Variants in PLCE1 observed in about 807,000 individuals in gnomAD.
The protein encoded by PLCE1 is 1-phosphatidylinositol 4,5-bisphosphate phosphodiesterase epsilon-1.
PLCE1 carries 119 observed loss-of-function variants against 242.8 expected under a neutral mutation model. The observed-to-expected ratio is 0.49, with a 90% CI of 0.42 to 0.57. The LOEUF is 0.57. PLCE1 is among the 20% of genes least tolerant of loss of function. PLCE1 has a pLI of 0.00. For synonymous variants in PLCE1, 945 were observed against 1,017.4 expected (o/e 0.93, Z 1.35); for missense variants, 2,441 against 2,788.8 (o/e 0.88, Z 2.81).
At position 94,195,948 on chromosome 10, in the gene PLCE1, T is replaced by C. The variant is rs541977880; in HGVS notation, c.1809+24452T>C. Among the ~76,000 whole-genome samples, 3 of 152,310 alleles carry C rather than the reference T, an allele frequency of 2.0e-5. No individual in the cohort carries two copies. The East Asian group carries it at 5.8e-4, about 29-fold the overall frequency. ...AGATAAAGAATTAGGCCAGATGATATCTAATGCTTCTTAGAATTTAGACTC... is the reference window on the plus strand; with the variant it reads ...AGATAAAGAATTAGGCCAGATGATACCTAATGCTTCTTAGAATTTAGACTC... On this transcript the variant is annotated intron_variant, in intron 4 of 32. Transcript: ENST00000371380.
At position 94,006,677 on chromosome 10, in the gene PLCE1, G is replaced by A. The variant is rs1467307829; in HGVS notation, c.-365+12419G>A. On this transcript the variant is annotated intron_variant, in intron 1 of 32. Coordinates refer to ENST00000371380, the MANE Select transcript of PLCE1 (RefSeq NM_016341.4). ...AGGTTTCCTTGGAAACAGATCTGCG[G>A]TCAGAACCTTGTTCTTGGCTAAGCT... Among the ~76,000 whole-genome samples, 5 of 152,184 alleles carry A rather than the reference G, an allele frequency of 3.3e-5. No individual in the cohort carries two copies. In the East Asian group the frequency reaches 7.7e-4, roughly 23 times the overall value.
At chr10:94,148,169 G>A (rs541223058) in intron 3 of PLCE1, among the ~76,000 whole-genome samples, 50 of 152,244 alleles carry the variant, frequency 3.3e-4, no homozygotes, top group African/African-American at 1.2e-3. Flanking sequence ...GGGTTAAAAA[G>A]TAAATTAATG....
intron 3 of PLCE1, among the ~76,000 whole-genome samples, chr10:94,155,991 T>A (rs2047421496): frequency 2.0e-5 from 3 of 151,996 alleles, no homozygotes; most frequent in Admixed American, 6.6e-5. Context: ...TATCTCAGTT[T>A]AAAAAAAGAA....
intron 4 of PLCE1, among the ~76,000 whole-genome samples, chr10:94,172,484 G>C (rs765285211): frequency 1.3e-5 from 2 of 152,122 alleles, no homozygotes; most frequent in Non-Finnish European, 2.9e-5. Flanking sequence ...TTCCTATTCT[G>C]AGTCATATAT....
At chr10:94,085,483 G>A (rs931047203) in intron 2 of PLCE1, among the ~76,000 whole-genome samples, 1 of 152,174 alleles carries the variant, frequency 6.6e-6, no homozygotes, top group Non-Finnish European at 1.5e-5. Context: ...AATGTGTTTG[G>A]GGGTAGAGCT....
chr10:94,047,502 T>C (rs1044769692), intron 2 of PLCE1, among the ~76,000 whole-genome samples: 5 of 152,232 alleles, frequency 3.3e-5, no homozygotes, highest in Non-Finnish European at 5.9e-5. Context: ...TGACTTCACA[T>C]AAAATTTAAA....
intron 24 of PLCE1, among the ~76,000 whole-genome samples, chr10:94,301,366 T>G (rs7914997): frequency 6.6e-6 from 1 of 150,986 alleles, no homozygotes; most frequent in African/African-American, 2.4e-5. Flanking sequence ...AAAAAGAAAA[T>G]TATATATATA....
intron 1 of PLCE1, among the ~76,000 whole-genome samples, chr10:94,023,272 A>G (rs986651009): frequency 2.6e-5 from 4 of 152,128 alleles, no homozygotes; most frequent in Non-Finnish European, 4.4e-5. Flanking sequence ...TGACTGCATA[A>G]CTCTTCTTTG....
At chr10:94,143,618 A>C (rs2047034447) in intron 3 of PLCE1, among the ~76,000 whole-genome samples, 1 of 152,184 alleles carries the variant, frequency 6.6e-6, no homozygotes, top group African/African-American at 2.4e-5. Context: ...CATAATTTAA[A>C]CTTCTACTGG....
intron 2 of PLCE1, among the ~76,000 whole-genome samples, chr10:94,110,188 G>A (rs372148339): frequency 1.1e-4 from 16 of 142,724 alleles, no homozygotes; most frequent in African/African-American, 3.4e-4. Flanking sequence ...TCAGCCTCCC[G>A]ACTAGCTGGG....
At position 94,183,790 on chromosome 10, in the gene PLCE1, C is replaced by T. The variant is rs116681111; in HGVS notation, c.1809+12294C>T. On this transcript the variant is annotated intron_variant, in intron 4 of 32. Transcript: ENST00000371380. Reference sequence around the variant, plus strand: ...GCGGGAGGTGAAACAGGAGGAGGCACGTCATGGGGCAAGAATGAGAGCAAG... The same window carrying T: ...GCGGGAGGTGAAACAGGAGGAGGCATGTCATGGGGCAAGAATGAGAGCAAG... Among the ~76,000 whole-genome samples, 317 of 152,142 alleles carry T rather than the reference C, an allele frequency of 2.1e-3. 3 individuals carry two copies. The highest frequency in any genetic ancestry group is 6.5e-3 in the African/African-American group (269 of 41,490).
chr10:94,214,800 C>A (rs2049461874), intron 4 of PLCE1, among the ~76,000 whole-genome samples: 1 of 152,156 alleles, frequency 6.6e-6, no homozygotes, highest in African/African-American at 2.4e-5. Flanking sequence ...GCCCGAGGAC[C>A]AAGAGTGAAT....
intron 3 of PLCE1, among the ~76,000 whole-genome samples, chr10:94,150,236 G>A (rs1018725624): frequency 1.3e-5 from 2 of 152,156 alleles, no homozygotes; most frequent in Non-Finnish European, 2.9e-5. Context: ...AACCTGGCAA[G>A]GTAGAATTAT....
intron 1 of PLCE1, among the ~76,000 whole-genome samples, chr10:94,005,366 T>C (rs561755223): frequency 6.6e-6 from 1 of 152,358 alleles, no homozygotes; most frequent in African/African-American, 2.4e-5. Context: ...TATTGATTTA[T>C]GGCTTTGTTA....
rs2133744553 is a variant in PLCE1, at chr10:94,313,506, T to C, written c.6132+124T>C. On this transcript the variant is annotated intron_variant, in intron 28 of 32. Transcript: ENST00000371380. ...ATGAATGCGCAAAAGTCCATGTGGA[T>C]GATATGCCTTTTGATTATTTGGAAA... is the stretch of plus-strand genomic sequence containing the variant. 7 of 1,061,092 alleles carry C rather than the reference T, an allele frequency of 6.6e-6. No individual in the cohort carries two copies. The South Asian group carries it at 7.6e-5, about 11-fold the overall frequency. The allele number at this position is 1,061,092 out of a possible 1,614,324, so 65.7% of individuals were successfully genotyped here. A position where few individuals can be genotyped will look rare whatever the true frequency, so the allele number is the denominator to read the frequency against.
At chr10:94,132,684 C>T (rs931983926) in intron 3 of PLCE1, among the ~76,000 whole-genome samples, 2 of 151,538 alleles carry the variant, frequency 1.3e-5, no homozygotes, top group South Asian at 2.1e-4. Flanking sequence ...GGTGCGGTGG[C>T]TCACACCTGT....
At chr10:94,050,697 A>T (rs2043739650) in intron 2 of PLCE1, among the ~76,000 whole-genome samples, 1 of 152,134 alleles carries the variant, frequency 6.6e-6, no homozygotes, top group Non-Finnish European at 1.5e-5. Flanking sequence ...TTGCAAAAAA[A>T]TAAAAATTTA....
At chr10:94,056,353 C>A (rs575078627) in intron 2 of PLCE1, among the ~76,000 whole-genome samples, 169 of 152,140 alleles carry the variant, frequency 1.1e-3, no homozygotes, top group African/African-American at 3.9e-3. Context: ...TAATTCTGTC[C>A]TTTGAAACAT....
At chr10:94,217,665 G>T (rs1446387390) in intron 4 of PLCE1, among the ~76,000 whole-genome samples, 3 of 152,156 alleles carry the variant, frequency 2.0e-5, no homozygotes, top group Non-Finnish European at 4.4e-5. Flanking sequence ...CATGGTATTT[G>T]CAAATCTCAG....
Sources: allele counts gnomAD v4.1 joint callset (sites outside exome capture counted in the v4.1 genomes callset), GRCh38; gene constraint gnomAD v4.1.1; transcripts MANE v1.5; gene names NCBI Gene and HGNC (gene_info 2026-07-23, HGNC 2026-07-21).